Variants in MARF1 observed in about 807,000 individuals in gnomAD.
MARF1 encodes the protein limkain-b1.
MARF1 carries 24 observed loss-of-function variants against 168.2 expected under a neutral mutation model. That is an observed-to-expected ratio of 0.14 (90% CI 0.10 to 0.20). The LOEUF (loss-of-function observed/expected upper bound fraction) is 0.20, where lower values mean the gene tolerates loss of function less well. Among genes scored for constraint, MARF1 ranks in the 10% least tolerant of loss-of-function variants. The probability of loss-of-function intolerance (pLI) is 1.00; values close to 1 mark genes in which losing one functional copy is unlikely to be tolerated. For synonymous variants in MARF1, 868 were observed against 822.4 expected (o/e 1.06, Z -0.95); for missense variants, 1,744 against 2,143.6 (o/e 0.81, Z 3.68).
At chr16:15,619,991 C>T (rs2151176346) in intron 13 of MARF1, among the ~76,000 whole-genome samples, 1 of 152,276 alleles carries the variant, frequency 6.6e-6, no homozygotes, top group Non-Finnish European at 1.5e-5. Flanking sequence ...TGGCGAAACC[C>T]TGTCTCTACT....
intron 25 of MARF1, among the ~76,000 whole-genome samples, chr16:15,600,022 G>C (rs993941592): frequency 1.3e-5 from 2 of 152,130 alleles, no homozygotes; most frequent in Admixed American, 1.3e-4. Context: ...CATGCCTATA[G>C]CAAGAATCCT....
chr16:15,600,776 GA>G, intron 23 of MARF1, 75 bp from the exon 24 acceptor site: 1 of 1,487,870 alleles, frequency 6.7e-7, no homozygotes, highest in Non-Finnish European at 9.4e-7. Context: ...GGAAGAGTGT[GA>G]CCTACGGAGC....
chr16:15,634,726 T>C (rs1259065936), intron 4 of MARF1, 31 bp downstream of exon 4: 2 of 1,595,172 alleles, frequency 1.3e-6, no homozygotes, highest in Non-Finnish European at 1.7e-6. Context: ...GCTATTTAAA[T>C]ATGCACATTT....
chr16:15,603,935 G>T (rs192206001), intron 22 of MARF1, among the ~76,000 whole-genome samples: 2 of 152,074 alleles, frequency 1.3e-5, no homozygotes, highest in East Asian at 3.9e-4. Context: ...TTTCATCCTA[G>T]AACGGGACAA....
intron 11 of MARF1, 90 bp downstream of exon 11, chr16:15,622,844 G>A (rs899862644): frequency 3.3e-5 from 34 of 1,043,816 alleles, no homozygotes; most frequent in African/African-American, 2.2e-4. Flanking sequence ...CTTCTATCCC[G>A]GCTGTGGTTA....
At chr16:15,597,215 G>C (rs934635983) in intron 26 of MARF1, among the ~76,000 whole-genome samples, 1 of 152,132 alleles carries the variant, frequency 6.6e-6, no homozygotes, top group South Asian at 2.1e-4. Flanking sequence ...AAAACTTTTT[G>C]TTTTTCCATT....
intron 7 of MARF1, among the ~76,000 whole-genome samples, chr16:15,627,032 A>C (rs564022139): frequency 6.6e-6 from 1 of 151,438 alleles, no homozygotes; most frequent in South Asian, 2.1e-4. Context: ...AGAGAGAGAG[A>C]GAGAGAAAGA....
At chr16:15,630,856 C>T (rs777807151) in intron 6 of MARF1, among the ~76,000 whole-genome samples, 5 of 151,034 alleles carry the variant, frequency 3.3e-5, no homozygotes, top group Non-Finnish European at 7.4e-5. Flanking sequence ...CCCGGCCGGG[C>T]GTGGTGGTTC....
chr16:15,621,831 G>C lies in MARF1; in HGVS notation c.2541C>G (p.Ile847Met), dbSNP rs746118685. Reference sequence around the variant, plus strand: ...ATCTGTGGAGGCTATTCACTGCACCGATCGCATCTTGTAAGTTTTCCATTT... The same window carrying C: ...ATCTGTGGAGGCTATTCACTGCACCCATCGCATCTTGTAAGTTTTCCATTT... ...VVQMENLQDAIGAVNSLHRYK... is the reference protein window; with the variant it reads ...VVQMENLQDAMGAVNSLHRYK... The change falls in exon 12 of 27, where the codon ATC (isoleucine) becomes ATG (methionine). Residue 847 changes from isoleucine (I) to methionine (M), a missense_variant. This residue lies in a region of MARF1 where 543 missense variants were observed against 742.1 expected (regional missense o/e 0.73). Coordinates refer to ENST00000396368, the MANE Select transcript of MARF1 (RefSeq NM_014647.4). 6.2e-7 allele frequency: 1 copy of C among 1,614,080 alleles called. No individual in the cohort carries two copies. Among genetic ancestry groups the C allele is most frequent in the Non-Finnish European group, 8.5e-7 (1 of 1,179,988 alleles).
At position 15,600,441 on chromosome 16, in the gene MARF1, T is replaced by A. The variant is rs766045230; in HGVS notation, c.4800A>T (p.Gly1600=). The part of the protein sequence containing the change: ...ESHTASELKL[G]ADGSGPSHTE... Reference sequence around the variant, plus strand: ...TTCCTCTCTTACCACTGCCGTCAGCTCCAAGCTTGAGTTCCGAGGCTGTGT... The same window carrying A: ...TTCCTCTCTTACCACTGCCGTCAGCACCAAGCTTGAGTTCCGAGGCTGTGT... The change falls in exon 25 of 27, where the codon GGA becomes GGT. Residue 1600 remains glycine, a synonymous_variant. Transcript: ENST00000396368. 1 of 1,614,130 alleles carries A rather than the reference T, an allele frequency of 6.2e-7. No individual in the cohort carries two copies. Among genetic ancestry groups the A allele is most frequent in the East Asian group, 2.2e-5 (1 of 44,874 alleles).
At chr16:15,602,937 C>T (rs894427961) in intron 22 of MARF1, among the ~76,000 whole-genome samples, 1 of 152,200 alleles carries the variant, frequency 6.6e-6, no homozygotes, top group African/African-American at 2.4e-5. Context: ...ACACAAAACC[C>T]TTGTGTATGC....
chr16:15,609,809 G>C, intron 19 of MARF1, 84 bp from the exon 20 acceptor site: 1 of 1,146,006 alleles, frequency 8.7e-7, no homozygotes, highest in Non-Finnish European at 1.3e-6. Context: ...AAATCCTTTT[G>C]GGAATTTATA....
intron 6 of MARF1, among the ~76,000 whole-genome samples, chr16:15,631,171 G>A (rs1215828383): frequency 6.6e-6 from 1 of 151,894 alleles, no homozygotes; most frequent in Admixed American, 6.6e-5. Flanking sequence ...AATAAACCTG[G>A]TCCCACAATA....
chr16:15,620,371 C>T, intron 13 of MARF1, 80 bp downstream of exon 13: 1 of 774,310 alleles, frequency 1.3e-6, no homozygotes, highest in South Asian at 1.9e-5. Context: ...TGAAGTTCCT[C>T]AAGAGTCATT....
chr16:15,607,041 G>A (rs527389639), intron 21 of MARF1, among the ~76,000 whole-genome samples: 8 of 152,202 alleles, frequency 5.3e-5, no homozygotes, highest in African/African-American at 1.9e-4. Context: ...TTCCCACTGA[G>A]CTAAACCTGG....
Position 15,596,449 on chromosome 16 carries a change from CT to C in MARF1, c.*243del, listed in dbSNP as rs1051627877. On this transcript the variant is annotated 3_prime_UTR_variant, in exon 27 of 27. Transcript: ENST00000396368. ...AATTTGGTAAAATATATTAAGGATT[CT>C]TTAACAAATGCCACAAGTTCTTCAA... 2 of 350,566 alleles carry C rather than the reference CT, an allele frequency of 5.7e-6. No individual in the cohort carries two copies. The highest frequency in any genetic ancestry group is 4.2e-5 in the African/African-American group (2 of 47,576). The allele number at this position is 350,566 out of a possible 1,614,324, so 21.7% of individuals were successfully genotyped here.
chr16:15,624,903 A>T lies in MARF1; in HGVS notation c.2136T>A (p.Ser712Arg), dbSNP rs2034730140. ...SQKKENLSAR[S>R]VTSSPVEKKD... ...TTTTCTCTACAGGAGAACTGGTAAC[A>T]CTTCGGGCACTGAGGTTCTCCTTTC... The change falls in exon 10 of 27, where the codon AGT becomes AGA. Residue 712 changes from serine (S) to arginine (R), a missense_variant. Physicochemically the swap from Ser to Arg is moderately radical, Grantham distance 110. This residue lies in a region of MARF1 where 270 missense variants were observed against 260.6 expected (regional missense o/e 1.04). Coordinates refer to ENST00000396368, the MANE Select transcript of MARF1 (RefSeq NM_014647.4). 3.7e-6 allele frequency: 6 copies of T among 1,614,038 alleles called. No homozygotes were observed.
Position 15,633,997 on chromosome 16 carries a change from A to T in MARF1, c.1007-154T>A, listed in dbSNP as rs188217295. ...GCTACCAACCTCACTGGTTGACCTAATAAGCAATCAAGCTGTCAAAAAGTA... is the reference window on the plus strand; with the variant it reads ...GCTACCAACCTCACTGGTTGACCTATTAAGCAATCAAGCTGTCAAAAAGTA... On this transcript the variant is annotated intron_variant, in intron 4 of 26. Transcript: ENST00000396368. 2.5e-3 allele frequency among the ~76,000 whole-genome samples: 374 copies of T among 152,330 alleles called. 1 individual carries two copies. Among genetic ancestry groups the T allele is most frequent in the Admixed American group, 6.3e-3 (96 of 15,302 alleles).
chr16:15,600,616 G>A, intron 24 of MARF1, 25 bp downstream of exon 24: 3 of 1,614,056 alleles, frequency 1.9e-6, no homozygotes, highest in Non-Finnish European at 1.7e-6. Context: ...TTTTTTAAGG[G>A]GGGAGGGGAT....
Sources: gnomAD v4.1 joint callset for allele counts (sites outside exome capture counted in the v4.1 genomes callset) on GRCh38, gnomAD v4.1.1 for gene constraint, gnomAD v4.1.1 regional missense constraint, MANE v1.5 for transcripts, NCBI Gene and HGNC (gene_info 2026-07-23, HGNC 2026-07-21) for gene names.